The following RBFOX3 variants were observed in gnomAD, a reference collection of about 807,000 sequenced individuals.
RBFOX3 encodes RNA binding protein fox-1 homolog 3.
A neutral mutation model predicts 48.7 loss-of-function variants in RBFOX3; 17 were observed. The ratio of observed to expected loss-of-function variants is 0.35; its 90% CI spans 0.24 to 0.52. The LOEUF is 0.52. Ranked by LOEUF, RBFOX3 falls within the 20% of genes least tolerant of loss-of-function variation. The pLI, the probability that RBFOX3 is intolerant of heterozygous loss-of-function variation, is 0.94. For missense variants in RBFOX3, 382 were observed against 497.5 expected (o/e 0.77, Z 2.21); for synonymous variants, 212 against 209.5 (o/e 1.01, Z -0.10).
At chr17:79,304,771 C>T (rs905362880) in intron 3 of RBFOX3, among the ~76,000 whole-genome samples, 3 of 152,150 alleles carry the variant, frequency 2.0e-5, no homozygotes, top group Non-Finnish European at 4.4e-5. Context: ...AAGTCAAACC[C>T]GGGGCCTCTG....
chr17:79,487,154 T>G, intron 1 of RBFOX3, among the ~76,000 whole-genome samples: 1 of 151,644 alleles, frequency 6.6e-6, no homozygotes, highest in Middle Eastern at 3.2e-3. Flanking sequence ...AGGGGAAGAT[T>G]GAGGAGGGCC....
At chr17:79,468,392 G>T (rs924708249) in intron 2 of RBFOX3, among the ~76,000 whole-genome samples, 57 of 152,070 alleles carry the variant, frequency 3.7e-4, no homozygotes, top group Non-Finnish European at 7.5e-4. Flanking sequence ...ATAGACAGAT[G>T]ATGGATGGAT....
chr17:79,540,227 T>G (rs2089474718), intron 1 of RBFOX3, among the ~76,000 whole-genome samples: 1 of 152,208 alleles, frequency 6.6e-6, no homozygotes, highest in Non-Finnish European at 1.5e-5. Context: ...ATGCTGATAT[T>G]CAGCGTGGCT....
chr17:79,163,480 T>C (rs948904693), intron 4 of RBFOX3, among the ~76,000 whole-genome samples: 6 of 152,238 alleles, frequency 3.9e-5, no homozygotes, highest in African/African-American at 1.4e-4. Flanking sequence ...CAGACCCTTC[T>C]GGTTTGCAGA....
intron 2 of RBFOX3, among the ~76,000 whole-genome samples, chr17:79,372,484 C>T (rs1240194543): frequency 6.6e-6 from 1 of 151,126 alleles, no homozygotes; most frequent in Non-Finnish European, 1.5e-5. Context: ...GTCCATGGCT[C>T]CGCCTCTGTG....
intron 4 of RBFOX3, among the ~76,000 whole-genome samples, chr17:79,144,408 C>T (rs531304114): frequency 6.6e-6 from 1 of 152,348 alleles, no homozygotes; most frequent in African/African-American, 2.4e-5. Context: ...CCCCCAGCTT[C>T]CCAAGGTCCC....
intron 4 of RBFOX3, among the ~76,000 whole-genome samples, chr17:79,144,341 C>T (rs1010318343): frequency 5.9e-5 from 9 of 151,704 alleles, no homozygotes; most frequent in Admixed American, 2.6e-4. Context: ...AGGACGGCCA[C>T]GGAGGGTGGG....
the RBFOX3 span, among the ~76,000 whole-genome samples, chr17:79,658,217 C>A: frequency 1.3e-5 from 2 of 152,080 alleles, no homozygotes. Context: ...ACTCTGTTCC[C>A]CATTTCCTAA....
chr17:79,160,488 G>A lies in RBFOX3; in HGVS notation c.-33-44740C>T, dbSNP rs563560888. Among the ~76,000 whole-genome samples, 40 of 152,256 alleles carry A rather than the reference G, an allele frequency of 2.6e-4. No homozygotes were observed. The South Asian group carries it at 4.6e-3, about 17-fold the overall frequency. On this transcript the variant is annotated intron_variant, in intron 4 of 14. Coordinates refer to ENST00000693108, the MANE Select transcript of RBFOX3 (RefSeq NM_001350451.2). ...CTGGGCAGTCCCCCGTATGTGGGGC[G>A]GTCACAAGCCTGCAGCTGTCCCTCC... is the stretch of plus-strand genomic sequence containing the variant.
chr17:79,409,708 G>T (rs1384983965), intron 2 of RBFOX3, among the ~76,000 whole-genome samples: 1 of 152,220 alleles, frequency 6.6e-6, no homozygotes, highest in Non-Finnish European at 1.5e-5. Flanking sequence ...CCTGGAGCTG[G>T]CAGGCAGCTG....
At chr17:79,184,125 G>C (rs879925389) in intron 4 of RBFOX3, among the ~76,000 whole-genome samples, 1 of 151,874 alleles carries the variant, frequency 6.6e-6, no homozygotes, top group Non-Finnish European at 1.5e-5. Flanking sequence ...TAATCCGAGG[G>C]CATCTACGCA....
chr17:79,415,966 C>T (rs370077297), intron 2 of RBFOX3, among the ~76,000 whole-genome samples: 5 of 152,272 alleles, frequency 3.3e-5, no homozygotes, highest in African/African-American at 9.6e-5. Flanking sequence ...TCTCTGCTCC[C>T]CTCTCCACTG....
At chr17:79,383,460 T>TC in intron 2 of RBFOX3, among the ~76,000 whole-genome samples, 1 of 152,358 alleles carries the variant, frequency 6.6e-6, no homozygotes. Context: ...AGTCACTTTT[T>TC]CTCCCCTTCC....
At chr17:79,407,537 G>C (rs1346502047) in intron 2 of RBFOX3, among the ~76,000 whole-genome samples, 1 of 152,222 alleles carries the variant, frequency 6.6e-6, no homozygotes, top group Non-Finnish European at 1.5e-5. Flanking sequence ...TATGTAATTT[G>C]GCTGGAGAGC....
chr17:79,100,610 T>G (rs2076250071), intron 9 of RBFOX3, among the ~76,000 whole-genome samples: 1 of 152,110 alleles, frequency 6.6e-6, no homozygotes. Context: ...CATGAGAGGC[T>G]GGGGGTGACA....
chr17:79,441,732 C>T (rs2070959956), intron 2 of RBFOX3, among the ~76,000 whole-genome samples: 1 of 152,184 alleles, frequency 6.6e-6, no homozygotes, highest in Non-Finnish European at 1.5e-5. Context: ...TGCGTCCTTG[C>T]CTGGGAAATG....
intron 3 of RBFOX3, among the ~76,000 whole-genome samples, chr17:79,279,173 C>T (rs542936090): frequency 2.6e-5 from 4 of 152,018 alleles, no homozygotes; most frequent in South Asian, 2.1e-4. Context: ...AAGGTGGGCA[C>T]GGGAGGTGTT....
At chr17:79,110,970 C>A (rs2031122807) in intron 5 of RBFOX3, among the ~76,000 whole-genome samples, 1 of 152,360 alleles carries the variant, frequency 6.6e-6, no homozygotes, top group Non-Finnish European at 1.5e-5. Flanking sequence ...CTTCCATAAG[C>A]TGTGAGAGCC....
intron 3 of RBFOX3, among the ~76,000 whole-genome samples, chr17:79,237,143 A>G (rs1413190067): frequency 6.6e-6 from 1 of 152,200 alleles, no homozygotes; most frequent in African/African-American, 2.4e-5. Flanking sequence ...CCTCCTGTGC[A>G]TATGTGTATG....
Sources: allele counts gnomAD v4.1 joint callset (sites outside exome capture counted in the v4.1 genomes callset), GRCh38; gene constraint gnomAD v4.1.1; transcripts MANE v1.5; gene names NCBI Gene and HGNC (gene_info 2026-07-23, HGNC 2026-07-21).